SYDE2: variants seen among roughly 807,000 people sequenced by gnomAD.
The protein encoded by SYDE2 is rho GTPase-activating protein SYDE2.
In SYDE2, 76 loss-of-function variants were observed where a neutral mutation model predicts 91.5. The observed-to-expected ratio is 0.83, with a 90% confidence interval of 0.69 to 1.01. The LOEUF is 1.01. Among genes scored for constraint, SYDE2 ranks in the 50% least tolerant of loss-of-function variants. The pLI is 0.00. For synonymous variants in SYDE2, 513 were observed against 506.4 expected, an observed-to-expected ratio of 1.01 and a Z score of -0.18; for missense variants, 1,364 against 1,367.7, an observed-to-expected ratio of 1.00 and a Z score of 0.04.
At position 85,200,760 on chromosome 1, in the gene SYDE2, C is replaced by A; in HGVS notation, c.237G>T (p.Met79Ile). 6.5e-7 allele frequency: 1 copy of A among 1,526,832 alleles called. No individual in the cohort carries two copies. The highest frequency in any genetic ancestry group is 8.8e-7 in the Non-Finnish European group (1 of 1,141,972). The allele number at this position is 1,526,832 out of a possible 1,614,324, so 94.6% of individuals were successfully genotyped here. A position where few individuals can be genotyped will look rare whatever the true frequency, so the allele number is the denominator to read the frequency against. ...PRGGQLRTPRMRPSCSRSLES... is the reference protein window; with the variant it reads ...PRGGQLRTPRIRPSCSRSLES... ...CGAGGCTTCTGCTGCAGGACGGCCG[C>A]ATCCGAGGAGTCCGCAGCTGGCCTC... Residue 79 changes from methionine (M) to isoleucine (I), a missense_variant, in exon 1 of 7, where the codon ATG (methionine) becomes ATT (isoleucine). Physicochemically the swap from Met to Ile is conservative, Grantham distance 10. Coordinates refer to ENST00000341460, the MANE Select transcript of SYDE2 (RefSeq NM_032184.2).
downstream of SYDE2, among the ~76,000 whole-genome samples, chr1:85,156,259 A>G (rs1656879424): frequency 1.3e-5 from 2 of 152,104 alleles, no homozygotes; most frequent in Admixed American, 1.3e-4. Flanking sequence ...CCTAAAAAAC[A>G]TTAGGGGCTG....
intron 3 of SYDE2, chr1:85,181,485 A>G (rs1319700350): frequency 6.6e-6 from 1 of 152,094 alleles, no homozygotes; most frequent in Non-Finnish European, 1.5e-5. Context: ...AGCAAGTAAG[A>G]CCCACAGAGA....
intron 4 of SYDE2, among the ~76,000 whole-genome samples, chr1:85,174,236 T>C (rs1657606823): frequency 6.6e-6 from 1 of 151,976 alleles, no homozygotes; most frequent in Non-Finnish European, 1.5e-5. Flanking sequence ...TCTCAGTGAG[T>C]AGAAAGAAAA....
chr1:85,186,520 A>G (rs1658146379), intron 2 of SYDE2, among the ~76,000 whole-genome samples: 1 of 152,110 alleles, frequency 6.6e-6, no homozygotes, highest in Non-Finnish European at 1.5e-5. Context: ...ACTACTTTAA[A>G]GTTCATATGG....
At chr1:85,183,430 T>C (rs1658012634) in intron 2 of SYDE2, among the ~76,000 whole-genome samples, 1 of 152,142 alleles carries the variant, frequency 6.6e-6, no homozygotes. Context: ...TTTCATACTT[T>C]ATTCCTTATA....
At chr1:85,195,134 T>G (rs1658533744) in intron 1 of SYDE2, among the ~76,000 whole-genome samples, 1 of 150,356 alleles carries the variant, frequency 6.7e-6, no homozygotes, top group African/African-American at 2.5e-5. Context: ...CACTCCAGGC[T>G]GGGCAACAGA....
chr1:85,155,376 T>A (rs12070991), downstream of SYDE2, among the ~76,000 whole-genome samples: 3,322 of 152,236 alleles, frequency 0.022, 102 homozygotes, highest in African/African-American at 0.076. Context: ...CAGTGGCTCA[T>A]ACTGTAATCC....
chr1:85,176,306 T>A (rs1159098633), intron 4 of SYDE2, among the ~76,000 whole-genome samples: 1 of 152,028 alleles, frequency 6.6e-6, no homozygotes, highest in Non-Finnish European at 1.5e-5. Flanking sequence ...TATATAAAAA[T>A]TAAAAGGAAC....
At chr1:85,175,434 A>G (rs1657659565) in intron 4 of SYDE2, among the ~76,000 whole-genome samples, 1 of 152,202 alleles carries the variant, frequency 6.6e-6, no homozygotes, top group Non-Finnish European at 1.5e-5. Context: ...CCAGAGGTGG[A>G]GGTTGCACCA....
chr1:85,191,448 A>C (rs1486804769), intron 1 of SYDE2, among the ~76,000 whole-genome samples: 1 of 152,162 alleles, frequency 6.6e-6, no homozygotes, highest in Non-Finnish European at 1.5e-5. Flanking sequence ...TGAACAAAAC[A>C]ATCCCTTCCC....
At chr1:85,168,740 C>A (rs1253538216) in intron 5 of SYDE2, among the ~76,000 whole-genome samples, 2 of 152,116 alleles carry the variant, frequency 1.3e-5, no homozygotes, top group African/African-American at 4.8e-5. Context: ...TTTTCTGTAT[C>A]TTTTCAATAT....
Position 85,178,131 on chromosome 1 carries a change from A to T in SYDE2, c.2671+15T>A. ...CTTTCCAGAAAGAGTACATAAAATAAAATCTATTTATTACCTGTTATTACA... is the reference window on the plus strand; with the variant it reads ...CTTTCCAGAAAGAGTACATAAAATATAATCTATTTATTACCTGTTATTACA... On this transcript the variant is annotated intron_variant, in intron 4 of 6. Coordinates refer to ENST00000341460, the MANE Select transcript of SYDE2 (RefSeq NM_032184.2). 6.5e-7 allele frequency: 1 copy of T among 1,545,694 alleles called. No homozygotes were observed. The highest frequency in any genetic ancestry group is 8.8e-7 in the Non-Finnish European group (1 of 1,142,366).
chr1:85,177,507 C>T (rs1657745867), intron 4 of SYDE2, among the ~76,000 whole-genome samples: 1 of 152,128 alleles, frequency 6.6e-6, no homozygotes. Context: ...GCTAATGGTA[C>T]CCAATCAACC....
chr1:85,162,839 G>C (rs144199218), intron 6 of SYDE2, among the ~76,000 whole-genome samples: 324 of 152,204 alleles, frequency 2.1e-3, no homozygotes, highest in African/African-American at 7.4e-3. Context: ...TTTCATTTGT[G>C]GTAATGACAA....
chr1:85,152,678 G>T (rs1226686602), downstream of SYDE2: 1 of 152,130 alleles, frequency 6.6e-6, no homozygotes, highest in Non-Finnish European at 1.5e-5. Context: ...ATATGGCAAT[G>T]AACTAGATTG....
At position 85,177,573 on chromosome 1, in the gene SYDE2, T is replaced by C. The variant is rs575977106; in HGVS notation, c.2671+573A>G. On this transcript the variant is annotated intron_variant, in intron 4 of 6. Coordinates refer to ENST00000341460, the MANE Select transcript of SYDE2 (RefSeq NM_032184.2). ...TTCTTTCTCCACCTCCTTTCAATTC[T>C]ACTTCTTCCTATTTCTACTGCTACA... Among the ~76,000 whole-genome samples the C allele has an allele frequency of 2.6e-5, 4 of 152,294 alleles. No homozygotes were observed. In the South Asian group the frequency reaches 8.3e-4, roughly 32 times the overall value.
Position 85,200,341 on chromosome 1 carries a change from G to C in SYDE2, c.656C>G (p.Thr219Arg). 1 of 1,613,990 alleles carries C rather than the reference G, an allele frequency of 6.2e-7. No homozygotes were observed. The change falls in exon 1 of 7, where the codon ACG becomes AGG. Residue 219 changes from threonine to arginine, a missense_variant. Thr to Arg is a moderately conservative substitution (Grantham distance 71, BLOSUM62 -1). Coordinates refer to ENST00000341460, the MANE Select transcript of SYDE2 (RefSeq NM_032184.2). ...ARGTAPKVTG[T>R]QAASPNVGAL... ...GCCCACATTTGGGGAGGCTGCCTGC[G>C]TTCCTGTGACTTTGGGAGCCGTCCC...
intron 2 of SYDE2, among the ~76,000 whole-genome samples, chr1:85,186,822 C>T (rs2100680334): frequency 6.6e-6 from 1 of 152,252 alleles, no homozygotes; most frequent in Admixed American, 6.5e-5. Flanking sequence ...ATGTAGAAAG[C>T]TGAAACTGGA....
intron 1 of SYDE2, among the ~76,000 whole-genome samples, chr1:85,198,816 A>AG (rs369525480): frequency 0.086 from 12,335 of 144,228 alleles, 580 homozygotes; most frequent in Middle Eastern, 0.14. Flanking sequence ...AAAGGGGGGG[A>AG]GGTAAAAATA....
Sources: allele counts gnomAD v4.1 joint callset (sites outside exome capture counted in the v4.1 genomes callset), GRCh38; gene constraint gnomAD v4.1.1; transcripts MANE v1.5; gene names NCBI Gene and HGNC (gene_info 2026-07-23, HGNC 2026-07-21).